The following FEZ2 variants were observed in gnomAD, a reference collection of about 807,000 sequenced individuals.
FEZ2 encodes fasciculation and elongation protein zeta 2.
FEZ2 carries 51 observed loss-of-function variants against 40.4 expected under a neutral mutation model. The observed-to-expected ratio is 1.26, with a 90% CI of 1.01 to 1.59. The LOEUF is 1.59. FEZ2 is among the 40% of genes most tolerant of loss of function. FEZ2 has a pLI of 0.00. For synonymous variants in FEZ2, 242 were observed against 172.0 expected, an observed-to-expected ratio of 1.41 and a Z score of -3.18; for missense variants, 640 against 438.3, an observed-to-expected ratio of 1.46 and a Z score of -4.11.
intron 5 of FEZ2, among the ~76,000 whole-genome samples, chr2:36,571,507 T>A (rs1331893459): frequency 6.8e-6 from 1 of 148,136 alleles, no homozygotes; most frequent in Non-Finnish European, 1.5e-5. Context: ...CTAAAAAAAA[T>A]TAGCCGAGTG....
At chr2:36,575,283 C>T (rs1330134953) in intron 5 of FEZ2, among the ~76,000 whole-genome samples, 1 of 152,172 alleles carries the variant, frequency 6.6e-6, no homozygotes, top group Non-Finnish European at 1.5e-5. Context: ...CTCCTGGGCT[C>T]AAGCAATCCT....
chr2:36,584,845 C>T (rs67500016), intron 2 of FEZ2, among the ~76,000 whole-genome samples: 10,746 of 152,182 alleles, frequency 0.071, 794 homozygotes, highest in East Asian at 0.43. Context: ...GAAACCTGCA[C>T]GTGAGAAGGG....
chr2:36,591,111 CAG>C (rs1669060127), intron 1 of FEZ2, 100 bp from the exon 2 acceptor site: 1 of 723,276 alleles, frequency 1.4e-6, no homozygotes, highest in South Asian at 1.7e-5. Flanking sequence ...TCAAAGGAAA[CAG>C]AGAAAAACAG....
intron 5 of FEZ2, among the ~76,000 whole-genome samples, chr2:36,569,387 A>T (rs1461614469): frequency 1.3e-5 from 2 of 152,250 alleles, no homozygotes; most frequent in Non-Finnish European, 2.9e-5. Context: ...AGAAAAAATA[A>T]ATCCCCGATT....
rs146031629 is a variant in FEZ2, at chr2:36,596,296, C to T, written c.266+1581G>A. Among the ~76,000 whole-genome samples the T allele has an allele frequency of 8.7e-3, 1,325 of 152,318 alleles. 14 individuals are homozygous for T. Among genetic ancestry groups the T allele is most frequent in the Non-Finnish European group, 0.012 (788 of 68,026 alleles). On this transcript the variant is annotated intron_variant, in intron 1 of 7. Coordinates refer to ENST00000405912, the MANE Select transcript of FEZ2 (RefSeq NM_005102.3). ...CTCCCAAGGCTGTCTTTACAAGCTT[C>T]CTACCTTATTCCTGATAAATCTGTT...
intron 3 of FEZ2, among the ~76,000 whole-genome samples, chr2:36,582,682 C>T (rs1458221116): frequency 3.3e-5 from 5 of 152,174 alleles, no homozygotes; most frequent in Non-Finnish European, 7.3e-5. Context: ...TTAATGTACT[C>T]CTCCCAAGCT....
intron 5 of FEZ2, among the ~76,000 whole-genome samples, chr2:36,567,581 G>A (rs1668282800): frequency 6.6e-6 from 1 of 152,066 alleles, no homozygotes; most frequent in Non-Finnish European, 1.5e-5. Flanking sequence ...GGCCAACCTG[G>A]TGAAACCTCA....
chr2:36,598,154 G>C lies in FEZ2; in HGVS notation c.-12C>G. 1 of 1,448,900 alleles carries C rather than the reference G, an allele frequency of 6.9e-7. No individual in the cohort carries two copies. The allele number at this position is 1,448,900 out of a possible 1,614,324, so 89.8% of individuals were successfully genotyped here. A position where few individuals can be genotyped will look rare whatever the true frequency, so the allele number is the denominator to read the frequency against. On this transcript the variant is annotated 5_prime_UTR_variant, in exon 1 of 8. Transcript: ENST00000405912. ...CCGTCCGCCGCCATCGCCGCCCGGA[G>C]CAGTCGCGCGCCCCGCCCAGGCCGG...
At chr2:36,574,881 C>G (rs544032846) in intron 5 of FEZ2, among the ~76,000 whole-genome samples, 2 of 152,180 alleles carry the variant, frequency 1.3e-5, no homozygotes, top group Non-Finnish European at 2.9e-5. Flanking sequence ...GCCTGCCACT[C>G]TCTTGAGTTG....
intron 5 of FEZ2, among the ~76,000 whole-genome samples, chr2:36,571,531 C>T (rs1159835182): frequency 2.0e-5 from 3 of 151,854 alleles, no homozygotes; most frequent in South Asian, 4.2e-4. Context: ...TGGCGGGCGC[C>T]GTCATCCCAG....
intron 2 of FEZ2, among the ~76,000 whole-genome samples, chr2:36,585,521 C>G (rs2125238582): frequency 6.6e-6 from 1 of 152,124 alleles, no homozygotes; most frequent in East Asian, 1.9e-4. Context: ...GGAGGGAGAG[C>G]AGAAGGACTA....
rs922590957 is a variant in FEZ2 at position 36,553,080 on chromosome 2, G to C, written c.*83C>G. On this transcript the variant is annotated 3_prime_UTR_variant, in exon 8 of 8. Coordinates refer to ENST00000405912, the MANE Select transcript of FEZ2 (RefSeq NM_005102.3). ...GTTCAAATGTGCTGAGTTTCCAATA[G>C]CAAGAAGGGTAATGGTAGCCAGCTC... The C allele has an allele frequency of 5.2e-6, 6 of 1,153,970 alleles. No individual in the cohort carries two copies. The highest frequency in any genetic ancestry group is 6.3e-6 in the Non-Finnish European group (5 of 792,782). 71.5% of individuals were successfully genotyped at this position (1,153,970 alleles called of 1,614,324 possible).
chr2:36,587,539 CA>C (rs1235475174), intron 2 of FEZ2, among the ~76,000 whole-genome samples: 1 of 152,160 alleles, frequency 6.6e-6, no homozygotes, highest in Non-Finnish European at 1.5e-5. Flanking sequence ...AAAGACATAT[CA>C]AATTTAGAAG....
intron 5 of FEZ2, among the ~76,000 whole-genome samples, chr2:36,572,186 C>G (rs984477554): frequency 6.6e-6 from 1 of 152,090 alleles, no homozygotes; most frequent in Non-Finnish European, 1.5e-5. Context: ...TACCTGCTCA[C>G]TCTCTTTACC....
chr2:36,586,305 C>A (rs1668896745), intron 2 of FEZ2, among the ~76,000 whole-genome samples: 1 of 152,104 alleles, frequency 6.6e-6, no homozygotes, highest in Non-Finnish European at 1.5e-5. Context: ...TTTATTTTTC[C>A]CCTTCTGGCT....
At chr2:36,591,048 C>T in intron 1 of FEZ2, 37 bp from the exon 2 acceptor site, 3 of 1,232,526 alleles carry the variant, frequency 2.4e-6, no homozygotes, top group Non-Finnish European at 3.6e-6. Context: ...TGAAAATTAA[C>T]ATTCTGTATG....
At chr2:36,554,712 C>A (rs1293163223) in intron 7 of FEZ2, among the ~76,000 whole-genome samples, 2 of 152,228 alleles carry the variant, frequency 1.3e-5, no homozygotes, top group Non-Finnish European at 2.9e-5. Flanking sequence ...AAGACTCTTA[C>A]AAGTGAAATG....
intron 5 of FEZ2, among the ~76,000 whole-genome samples, chr2:36,573,792 TC>T (rs1004255750): frequency 6.6e-6 from 1 of 152,204 alleles, no homozygotes; most frequent in African/African-American, 2.4e-5. Context: ...ATACAAATGG[TC>T]AACAGATCAA....
At chr2:36,554,300 C>T (rs926852511) in intron 7 of FEZ2, 1 of 470,930 alleles carries the variant, frequency 2.1e-6, no homozygotes, top group African/African-American at 2.0e-5. Context: ...ATCATTTTTC[C>T]CCAGAGGACT....
Sources: allele counts gnomAD v4.1 joint callset (sites outside exome capture counted in the v4.1 genomes callset), GRCh38; gene constraint gnomAD v4.1.1; transcripts MANE v1.5; gene names NCBI Gene and HGNC (gene_info 2026-07-23, HGNC 2026-07-21).